Variants in PLCL1 observed in about 807,000 individuals in gnomAD.
PLCL1 encodes inactive phospholipase C-like protein 1.
Under a neutral mutation model 84.4 loss-of-function variants are expected in PLCL1, and 41 were observed. The observed-to-expected ratio is 0.49, with a 90% confidence interval of 0.38 to 0.63. The LOEUF (loss-of-function observed/expected upper bound fraction) is 0.63, where lower values mean the gene tolerates loss of function less well. Ranked by LOEUF, PLCL1 falls within the 30% of genes least tolerant of loss-of-function variation. PLCL1 has a pLI of 0.00. For synonymous variants in PLCL1, 490 were observed against 488.3 expected, an observed-to-expected ratio of 1.00 and a Z score of -0.05; for missense variants, 1,206 against 1,367.8, an observed-to-expected ratio of 0.88 and a Z score of 1.87.
intron 1 of PLCL1, among the ~76,000 whole-genome samples, chr2:197,995,062 A>G (rs1282556043): frequency 6.6e-6 from 1 of 152,196 alleles, no homozygotes; most frequent in African/African-American, 2.4e-5. Flanking sequence ...AACATATGGC[A>G]CATATCCATG....
chr2:197,863,322 A>G (rs1559028525), intron 1 of PLCL1, among the ~76,000 whole-genome samples: 1 of 152,162 alleles, frequency 6.6e-6, no homozygotes, highest in Non-Finnish European at 1.5e-5. Context: ...TCCATTAAAA[A>G]TTTGTAAATT....
At chr2:197,910,038 T>C (rs942762875) in intron 1 of PLCL1, among the ~76,000 whole-genome samples, 1 of 152,192 alleles carries the variant, frequency 6.6e-6, no homozygotes, top group African/African-American at 2.4e-5. Context: ...TTAACTTGCT[T>C]ATTTGGACTT....
chr2:197,984,081 G>C (rs1574983597), intron 1 of PLCL1, among the ~76,000 whole-genome samples: 1 of 152,072 alleles, frequency 6.6e-6, no homozygotes, highest in East Asian at 1.9e-4. Flanking sequence ...TTTTTGCTTT[G>C]TTGAAAATTT....
intron 1 of PLCL1, among the ~76,000 whole-genome samples, chr2:198,071,704 T>C (rs1574289437): frequency 6.6e-6 from 1 of 151,884 alleles, no homozygotes; most frequent in Non-Finnish European, 1.5e-5. Flanking sequence ...TTCAATTTTT[T>C]AAAAAATATC....
intron 1 of PLCL1, among the ~76,000 whole-genome samples, chr2:198,033,538 A>G (rs953326365): frequency 3.6e-4 from 55 of 152,172 alleles, no homozygotes; most frequent in Non-Finnish European, 4.4e-4. Context: ...ACCTCTTGAG[A>G]ACGGTATCTG....
chr2:198,099,791 T>C lies in PLCL1; in HGVS notation c.2920-1494T>C, dbSNP rs189911129. Among the ~76,000 whole-genome samples the C allele has an allele frequency of 1.9e-3, 293 of 152,300 alleles. 2 individuals carry two copies. Among genetic ancestry groups the C allele is most frequent in the African/African-American group, 6.7e-3 (279 of 41,574 alleles). The stretch of plus-strand genomic sequence containing the variant: ...GGGGGCTTTTGAGAAGAACTTGAAC[T>C]ATAAGGTTTTGGAGTATGTTTTGAT... On this transcript the variant is annotated intron_variant, in intron 3 of 5. Transcript: ENST00000428675.
At chr2:198,104,700 G>A (rs1215407709) in intron 5 of PLCL1, among the ~76,000 whole-genome samples, 1 of 151,932 alleles carries the variant, frequency 6.6e-6, no homozygotes, top group Non-Finnish European at 1.5e-5. Flanking sequence ...TTGCCAGCAT[G>A]TGTTATTTTC....
intron 1 of PLCL1, among the ~76,000 whole-genome samples, chr2:198,016,023 A>G (rs1311333268): frequency 6.6e-6 from 1 of 152,194 alleles, no homozygotes; most frequent in Admixed American, 6.5e-5. Context: ...TAAGTCTGAC[A>G]TGTGAGTGAA....
At chr2:198,027,353 A>G (rs1574256873) in intron 1 of PLCL1, among the ~76,000 whole-genome samples, 1 of 152,068 alleles carries the variant, frequency 6.6e-6, no homozygotes, top group South Asian at 2.1e-4. Flanking sequence ...GAGCTGGGGG[A>G]ATGGAGGAAT....
intron 1 of PLCL1, among the ~76,000 whole-genome samples, chr2:197,887,142 A>G (rs1283213095): frequency 6.6e-6 from 1 of 152,200 alleles, no homozygotes; most frequent in East Asian, 1.9e-4. Context: ...TTTATTAAGC[A>G]TATACCATCT....
intron 1 of PLCL1, among the ~76,000 whole-genome samples, chr2:198,067,497 T>C (rs1692349813): frequency 6.6e-6 from 1 of 152,154 alleles, no homozygotes; most frequent in African/African-American, 2.4e-5. Context: ...ATAATTAGTG[T>C]AAGTAACAGT....
chr2:197,943,311 G>T lies in PLCL1; in HGVS notation c.240+137972G>T, dbSNP rs1689199021. On this transcript the variant is annotated intron_variant, in intron 1 of 5. Transcript: ENST00000428675. ...GATTATTTAAATTTTAAAAATTATGGTGAAAGTATTACATGAAAATAATTA... is the reference window on the plus strand; with the variant it reads ...GATTATTTAAATTTTAAAAATTATGTTGAAAGTATTACATGAAAATAATTA... Among the ~76,000 whole-genome samples, 8 of 151,118 alleles carry T rather than the reference G, an allele frequency of 5.3e-5. 1 individual carries two copies. In the South Asian group the frequency reaches 1.7e-3, roughly 32 times the overall value.
intron 1 of PLCL1, among the ~76,000 whole-genome samples, chr2:197,960,743 T>G (rs1171290806): frequency 1.3e-5 from 2 of 152,044 alleles, no homozygotes; most frequent in Non-Finnish European, 2.9e-5. Flanking sequence ...TGGCCGTTTT[T>G]GGGGGGACAA....
chr2:197,892,173 A>G (rs1473401052), intron 1 of PLCL1, among the ~76,000 whole-genome samples: 3 of 152,176 alleles, frequency 2.0e-5, no homozygotes, highest in African/African-American at 4.8e-5. Context: ...CTCAGAGCCA[A>G]TTTTCTAGTT....
At chr2:197,943,319 A>G in intron 1 of PLCL1, among the ~76,000 whole-genome samples, 1 of 151,964 alleles carries the variant, frequency 6.6e-6, no homozygotes, top group East Asian at 1.9e-4. Flanking sequence ...TGGTGAAAGT[A>G]TTACATGAAA....
intron 1 of PLCL1, among the ~76,000 whole-genome samples, chr2:198,026,223 A>G (rs1283200596): frequency 1.3e-5 from 2 of 152,170 alleles, no homozygotes; most frequent in African/African-American, 4.8e-5. Context: ...TTTGAAAAGA[A>G]CTAAGTTTAT....
intron 1 of PLCL1, among the ~76,000 whole-genome samples, chr2:197,995,271 C>G (rs1187088478): frequency 1.3e-5 from 2 of 152,128 alleles, no homozygotes; most frequent in Non-Finnish European, 2.9e-5. Flanking sequence ...CCAGACTGTT[C>G]ATTCTTTCCT....
In PLCL1 at chr2:197,805,799, A is replaced by G. The variant is rs1690462681; in HGVS notation, c.240+460A>G. 3.3e-5 allele frequency among the ~76,000 whole-genome samples: 5 copies of G among 152,238 alleles called. No individual in the cohort carries two copies. In the South Asian group the frequency reaches 1.0e-3, roughly 31 times the overall value. On this transcript the variant is annotated intron_variant, in intron 1 of 5. Transcript: ENST00000428675. The surrounding 1 kb of genome is among the most constrained non-coding windows in gnomAD (Gnocchi z 4.0). ...ACTTAAATGATCCCGAAATCCCAAGATGTGTGAACTTTCCCGGTAGGGAGG... is the reference window on the plus strand; with the variant it reads ...ACTTAAATGATCCCGAAATCCCAAGGTGTGTGAACTTTCCCGGTAGGGAGG...
intron 1 of PLCL1, among the ~76,000 whole-genome samples, chr2:197,960,104 T>C (rs989398043): frequency 6.6e-6 from 1 of 152,082 alleles, no homozygotes; most frequent in African/African-American, 2.4e-5. Context: ...AGAGTTCCCT[T>C]CTCTGGGTTC....
Sources: allele counts gnomAD v4.1 joint callset (sites outside exome capture counted in the v4.1 genomes callset), GRCh38; gene constraint gnomAD v4.1.1; non-coding constraint Gnocchi (gnomAD v3.1); transcripts MANE v1.5; gene names NCBI Gene and HGNC (gene_info 2026-07-23, HGNC 2026-07-21).